Variants in TERB1 observed in about 807,000 individuals in gnomAD.
TERB1 encodes telomere repeat binding bouquet formation protein 1, also known as telomere repeats-binding bouquet formation protein 1.
In TERB1, 63 loss-of-function variants were observed where a neutral mutation model predicts 92.3. The ratio of observed to expected loss-of-function variants is 0.68; its 90% CI spans 0.56 to 0.84. The LOEUF (loss-of-function observed/expected upper bound fraction) is 0.84. Among genes scored for constraint, TERB1 ranks in the 40% least tolerant of loss-of-function variants. The probability of loss-of-function intolerance (pLI) is 0.00; values close to 1 mark genes in which losing one functional copy is unlikely to be tolerated. For missense variants in TERB1, 709 were observed against 843.7 expected (o/e 0.84, Z 1.98); for synonymous variants, 252 against 283.9 (o/e 0.89, Z 1.13).
intron 16 of TERB1, among the ~76,000 whole-genome samples, chr16:66,761,748 A>G (rs2018254068): frequency 6.6e-6 from 1 of 151,506 alleles, no homozygotes; most frequent in Admixed American, 6.6e-5. Flanking sequence ...TGATCACACC[A>G]TTACACAGAA....
intron 11 of TERB1, among the ~76,000 whole-genome samples, chr16:66,776,136 C>A (rs900538183): frequency 4.6e-5 from 7 of 151,916 alleles, no homozygotes; most frequent in Non-Finnish European, 7.4e-5. Context: ...TCGAGACCAG[C>A]CTGACCAACA....
intron 16 of TERB1, among the ~76,000 whole-genome samples, chr16:66,763,801 A>C (rs981459156): frequency 6.6e-5 from 10 of 152,226 alleles, no homozygotes; most frequent in Non-Finnish European, 1.3e-4. Flanking sequence ...AGCCATGTCC[A>C]TCCAGTATAA....
chr16:66,789,017 CAAAAAAA>C (rs57876042), intron 5 of TERB1, among the ~76,000 whole-genome samples: 1 of 68,328 alleles, frequency 1.5e-5, no homozygotes, highest in South Asian at 5.9e-4. Context: ...GGTATGGTAC[CAAAAAAA>C]AAAAAAAAAA....
chr16:66,782,278 G>A (rs754216961), intron 9 of TERB1, among the ~76,000 whole-genome samples: 2 of 152,104 alleles, frequency 1.3e-5, no homozygotes, highest in African/African-American at 2.4e-5. Context: ...GGCCAGGTGC[G>A]GTGGCTCATG....
chr16:66,801,230 T>TG (rs1682586551), intron 1 of TERB1, among the ~76,000 whole-genome samples, 177 bp from the exon 2 acceptor site: 1 of 152,130 alleles, frequency 6.6e-6, no homozygotes. Flanking sequence ...GGGAGGCGCC[T>TG]GGGGAGTCAG....
At chr16:66,798,816 G>A (rs532085391) in intron 2 of TERB1, among the ~76,000 whole-genome samples, 2 of 152,200 alleles carry the variant, frequency 1.3e-5, no homozygotes, top group East Asian at 3.9e-4. Flanking sequence ...TACCTATTGA[G>A]GCTAGACTTT....
At position 66,755,023 on chromosome 16, in the gene TERB1, G is replaced by A; in HGVS notation, c.2137C>T (p.His713Tyr). Residue 713 changes from histidine to tyrosine, a missense_variant, in exon 19 of 19, where the codon CAC becomes TAC. Physicochemically the swap from His to Tyr is moderately conservative, Grantham distance 83. Transcript: ENST00000433154. The stretch of plus-strand genomic sequence containing the variant: ...TGTTTGGTCAGCTTGTGGTATTTGT[G>A]AGCAAGGTCCACAGCCTTCCGTCCT... ...QQGRKAVDLA[H>Y]KYHKLTKHPT... is the part of the protein sequence containing the mutation. The A allele has an allele frequency of 6.4e-7, 1 of 1,551,520 alleles. No homozygotes were observed. The highest frequency in any genetic ancestry group is 8.7e-7 in the Non-Finnish European group (1 of 1,146,954).
intron 18 of TERB1, among the ~76,000 whole-genome samples, chr16:66,756,785 T>C (rs1370732499): frequency 1.3e-5 from 2 of 152,210 alleles, no homozygotes; most frequent in African/African-American, 4.8e-5. Flanking sequence ...AGCAGAGTAC[T>C]GAGCAGCCTG....
At chr16:66,766,788 T>C (rs1171776420) in intron 16 of TERB1, among the ~76,000 whole-genome samples, 2 of 152,206 alleles carry the variant, frequency 1.3e-5, no homozygotes, top group African/African-American at 4.8e-5. Flanking sequence ...AGCCTGATGC[T>C]GATAAAAGGT....
At chr16:66,789,579 G>A (rs1452212714) in intron 5 of TERB1, among the ~76,000 whole-genome samples, 1 of 3,908 alleles carries the variant, frequency 2.6e-4, no homozygotes, top group Admixed American at 5.3e-3. Context: ...GCGAGACTCC[G>A]TCTCAAAAAA....
At chr16:66,785,133 C>T (rs749144401) in intron 9 of TERB1, among the ~76,000 whole-genome samples, 7 of 151,624 alleles carry the variant, frequency 4.6e-5, no homozygotes, top group Non-Finnish European at 8.8e-5. Flanking sequence ...GATTCTCCTG[C>T]CTCAGCCTCC....
At chr16:66,790,749 A>G in intron 4 of TERB1, 26 bp from the exon 5 acceptor site, 1 of 1,546,056 alleles carries the variant, frequency 6.5e-7, no homozygotes, top group Non-Finnish European at 8.7e-7. Context: ...AAAAAAAACA[A>G]AATAGAAATG....
chr16:66,797,537 C>T (rs1344235610), intron 2 of TERB1, among the ~76,000 whole-genome samples: 1 of 149,426 alleles, frequency 6.7e-6, no homozygotes, highest in Admixed American at 6.7e-5. Context: ...ACACCCAGCC[C>T]CCATTTTCTT....
intron 14 of TERB1, 67 bp downstream of exon 14, chr16:66,769,896 G>A: frequency 9.7e-7 from 1 of 1,025,738 alleles, no homozygotes; most frequent in East Asian, 2.6e-5. Context: ...TAACAGTGTG[G>A]CATACTGTAG....
At chr16:66,778,298 T>C (rs1317419448) in intron 10 of TERB1, among the ~76,000 whole-genome samples, 1 of 152,090 alleles carries the variant, frequency 6.6e-6, no homozygotes, top group Non-Finnish European at 1.5e-5. Context: ...GGAGTCTCGA[T>C]ATGTTGACCA....
At chr16:66,797,899 C>T (rs1231108865) in intron 2 of TERB1, among the ~76,000 whole-genome samples, 1 of 151,954 alleles carries the variant, frequency 6.6e-6, no homozygotes, top group Non-Finnish European at 1.5e-5. Context: ...CTCACATACC[C>T]TACTTTAAAA....
intron 18 of TERB1, among the ~76,000 whole-genome samples, chr16:66,756,090 T>C (rs1405692309): frequency 1.3e-5 from 2 of 152,244 alleles, no homozygotes; most frequent in Non-Finnish European, 2.9e-5. Context: ...TGATGATTAC[T>C]AGGAAATAGT....
At chr16:66,773,136 G>A (rs1358299920) in intron 12 of TERB1, among the ~76,000 whole-genome samples, 14 of 149,216 alleles carry the variant, frequency 9.4e-5, no homozygotes, top group Non-Finnish European at 1.6e-4. Flanking sequence ...CAAGGCCAGC[G>A]TGGCCAATAT....
chr16:66,765,644 G>C (rs1274720278), intron 16 of TERB1, among the ~76,000 whole-genome samples: 1 of 151,386 alleles, frequency 6.6e-6, no homozygotes, highest in Non-Finnish European at 1.5e-5. Flanking sequence ...TTTTAGTAGA[G>C]ACGGGGTTTC....
Sources: allele counts gnomAD v4.1 joint callset (sites outside exome capture counted in the v4.1 genomes callset), GRCh38; gene constraint gnomAD v4.1.1; transcripts MANE v1.5; gene names NCBI Gene and HGNC (gene_info 2026-07-23, HGNC 2026-07-21).